The following CUX1 variants were observed in gnomAD, a reference collection of about 807,000 sequenced individuals.
CUX1 encodes protein CASP.
In CUX1, 31 loss-of-function variants were observed where a neutral mutation model predicts 158.8. That is an observed-to-expected ratio of 0.20 (90% confidence interval 0.15 to 0.26). The LOEUF is 0.26. Among genes scored for constraint, CUX1 ranks in the 10% least tolerant of loss-of-function variants. The probability of loss-of-function intolerance (pLI) is 1.00; values close to 1 mark genes in which losing one functional copy is unlikely to be tolerated. For synonymous variants in CUX1, 879 were observed against 862.1 expected (o/e 1.02, Z -0.34); for missense variants, 1,589 against 2,014.6 (o/e 0.79, Z 4.04).
chr7:102,173,698 A>G (rs144727511), intron 10 of CUX1, among the ~76,000 whole-genome samples: 1 of 152,248 alleles, frequency 6.6e-6, no homozygotes, highest in Admixed American at 6.5e-5. Context: ...ACTATCCTGG[A>G]CTGCAGCAAC....
chr7:102,013,265 C>G (rs1818238222), intron 2 of CUX1, among the ~76,000 whole-genome samples: 1 of 152,066 alleles, frequency 6.6e-6, no homozygotes, highest in African/African-American at 2.4e-5. Flanking sequence ...AAGCTAATGT[C>G]AAGATGGAGA....
chr7:101,985,540 G>A (rs553198762), intron 2 of CUX1, among the ~76,000 whole-genome samples: 11 of 152,342 alleles, frequency 7.2e-5, no homozygotes, highest in Non-Finnish European at 1.3e-4. Context: ...GGAGAATGCC[G>A]TGGAGACTTG....
At chr7:102,155,262 G>T (rs562824545) in intron 8 of CUX1, among the ~76,000 whole-genome samples, 35 of 152,094 alleles carry the variant, frequency 2.3e-4, no homozygotes, top group African/African-American at 8.4e-4. Context: ...TTGTGATTTG[G>T]GACAGGCGCA....
In CUX1 at chr7:102,210,820, C is replaced by T. The variant is rs533462362; in HGVS notation, c.3130+5650C>T. 1.0e-3 allele frequency among the ~76,000 whole-genome samples: 153 copies of T among 152,302 alleles called. No individual in the cohort carries two copies. The Middle Eastern group carries it at 0.014, about 14-fold the overall frequency. ...ATGTGTGCCCCTCTTTGACGTGAAG[C>T]CCACGGGGCCGTGGGCTGTCCATGA... On this transcript the variant is annotated intron_variant, in intron 20 of 23. Transcript: ENST00000292535.
At chr7:101,882,938 CTA>C (rs1799863332) in intron 1 of CUX1, among the ~76,000 whole-genome samples, 2 of 152,166 alleles carry the variant, frequency 1.3e-5, no homozygotes, top group Non-Finnish European at 2.9e-5. Flanking sequence ...TTTCGGGCCT[CTA>C]AGGCCCTGCT....
intron 12 of CUX1, 77 bp from the exon 13 acceptor site, chr7:102,193,765 G>C (rs551882108): frequency 6.8e-7 from 1 of 1,475,208 alleles, no homozygotes; most frequent in East Asian, 2.4e-5. Flanking sequence ...TCGCGCCACT[G>C]CACTCTAGCC....
At chr7:102,077,411 C>T (rs988715760) in intron 4 of CUX1, among the ~76,000 whole-genome samples, 1 of 151,018 alleles carries the variant, frequency 6.6e-6, no homozygotes, top group African/African-American at 2.4e-5. Context: ...CTCTGGGGAT[C>T]GGGCGCAGTG....
At chr7:102,024,862 T>TG (rs1490227964) in intron 2 of CUX1, among the ~76,000 whole-genome samples, 1 of 152,218 alleles carries the variant, frequency 6.6e-6, no homozygotes, top group African/African-American at 2.4e-5. Flanking sequence ...AGCTTCCTGT[T>TG]GCTGCTGTCG....
At chr7:102,111,663 G>A in intron 6 of CUX1, 35 bp from the exon 7 acceptor site, 2 of 1,601,394 alleles carry the variant, frequency 1.2e-6, no homozygotes, top group Admixed American at 1.7e-5. Flanking sequence ...TGGTAAAGGA[G>A]ATGACCAATT....
chr7:101,895,616 A>G (rs977308761), intron 1 of CUX1, among the ~76,000 whole-genome samples: 4 of 152,306 alleles, frequency 2.6e-5, no homozygotes, highest in Non-Finnish European at 5.9e-5. Context: ...TGCAGCCCCA[A>G]AAGGAGCCTG....
At position 102,239,465 on chromosome 7, in the gene CUX1, G is replaced by A; in HGVS notation, c.3768G>A (p.Lys1256=). 6.2e-7 allele frequency: 1 copy of A among 1,614,112 alleles called. No individual in the cohort carries two copies. Among genetic ancestry groups the A allele is most frequent in the Non-Finnish European group, 8.5e-7 (1 of 1,179,954 alleles). Residue 1256 remains lysine (K), a synonymous_variant, in exon 23 of 24, where the codon AAG becomes AAA. Transcript: ENST00000292535. ...GGGTGGTGCTGGCTCCGGAGGAGAA[G>A]GAGGCGCTGAAACGAGCGTATCAGC... is the stretch of plus-strand genomic sequence containing the variant. ...KPRVVLAPEE[K]EALKRAYQQK...
intron 1 of CUX1, among the ~76,000 whole-genome samples, chr7:101,850,563 T>G (rs1796172682): frequency 6.6e-6 from 1 of 151,934 alleles, no homozygotes; most frequent in African/African-American, 2.4e-5. Flanking sequence ...GTATTTTTTG[T>G]AGAGATGGCA....
At chr7:102,145,578 T>G (rs1554501812) in intron 8 of CUX1, among the ~76,000 whole-genome samples, 1 of 152,146 alleles carries the variant, frequency 6.6e-6, no homozygotes, top group Admixed American at 6.6e-5. Flanking sequence ...TCATGCTAAT[T>G]TCTTTGAATT....
chr7:101,854,785 C>A (rs1159254397), intron 1 of CUX1, among the ~76,000 whole-genome samples: 1 of 152,208 alleles, frequency 6.6e-6, no homozygotes, highest in African/African-American at 2.4e-5. Context: ...CACTCTATCA[C>A]CCAGGCTGGA....
chr7:102,064,631 C>T (rs1008490559), intron 3 of CUX1, among the ~76,000 whole-genome samples: 2 of 152,236 alleles, frequency 1.3e-5, no homozygotes, highest in African/African-American at 4.8e-5. Context: ...CCCTTCCTCC[C>T]TCCCTCCCAC....
intron 1 of CUX1, among the ~76,000 whole-genome samples, chr7:101,856,870 C>T (rs1176722842): frequency 1.3e-5 from 2 of 152,212 alleles, no homozygotes; most frequent in Admixed American, 1.3e-4. Flanking sequence ...TGTGTCCCCA[C>T]CTTGGCTCTC....
intron 1 of CUX1, among the ~76,000 whole-genome samples, chr7:101,851,855 G>A (rs1005436820): frequency 3.4e-5 from 5 of 146,572 alleles, no homozygotes; most frequent in Non-Finnish European, 7.4e-5. Flanking sequence ...TTGAGACAGC[G>A]TCTCACTCTG....
At chr7:101,941,634 C>G (rs769622842) in intron 2 of CUX1, among the ~76,000 whole-genome samples, 4 of 152,178 alleles carry the variant, frequency 2.6e-5, no homozygotes, top group Non-Finnish European at 5.9e-5. Context: ...GAGACTGGAT[C>G]CCTCTCTTCC....
chr7:102,256,349 T>C lies in CUX1; in HGVS notation c.*7307T>C. 1 of 984,878 alleles carries C rather than the reference T, an allele frequency of 1.0e-6. No homozygotes were observed. Among genetic ancestry groups the C allele is most frequent in the Non-Finnish European group, 1.2e-6 (1 of 829,416 alleles). The allele number at this position is 984,878 out of a possible 1,614,324, so 61.0% of individuals were successfully genotyped here. A position where few individuals can be genotyped will look rare whatever the true frequency, so the allele number is the denominator to read the frequency against. ...ATTATTTCTATCCTCTTCTATTTAT[T>C]ATTAGGTTAATCATTTAAGTACTTA... On this transcript the variant is annotated 3_prime_UTR_variant, in exon 24 of 24. Transcript: ENST00000292535.
Sources: allele counts gnomAD v4.1 joint callset (sites outside exome capture counted in the v4.1 genomes callset), GRCh38; gene constraint gnomAD v4.1.1; transcripts MANE v1.5; gene names NCBI Gene and HGNC (gene_info 2026-07-23, HGNC 2026-07-21).